AAK1: variants seen among roughly 807,000 people sequenced by gnomAD.
The protein encoded by AAK1 is AP2 associated kinase 1.
AAK1 carries 37 observed loss-of-function variants against 116.0 expected under a neutral mutation model. The observed-to-expected ratio is 0.32, with a 90% confidence interval of 0.25 to 0.42. The LOEUF (loss-of-function observed/expected upper bound fraction) is 0.42. AAK1 is among the 10% of genes least tolerant of loss of function. The probability of loss-of-function intolerance (pLI) is 1.00; values close to 1 mark genes in which losing one functional copy is unlikely to be tolerated. For synonymous variants in AAK1, 458 were observed against 439.9 expected, an observed-to-expected ratio of 1.04 and a Z score of -0.51; for missense variants, 919 against 1,170.6, an observed-to-expected ratio of 0.79 and a Z score of 3.14.
chr2:69,640,047 ACACACACTCTCT>A (rs1426702029), intron 2 of AAK1, among the ~76,000 whole-genome samples: 46 of 135,516 alleles, frequency 3.4e-4, no homozygotes, highest in African/African-American at 1.2e-3. Context: ...ACACACACAC[ACACACACTCTCT>A]CTCTCTCTCT....
chr2:69,531,631 A>G (rs1214739116), intron 6 of AAK1: 2 of 991,224 alleles, frequency 2.0e-6, no homozygotes, highest in Non-Finnish European at 2.4e-6. Flanking sequence ...CCTTATGAGC[A>G]GGAAGAAAGG....
intron 17 of AAK1, among the ~76,000 whole-genome samples, chr2:69,492,288 A>T (rs1675552934): frequency 1.3e-5 from 2 of 151,542 alleles, no homozygotes; most frequent in African/African-American, 4.9e-5. Context: ...ATCTCAGCTC[A>T]CTGCAATCTC....
intron 4 of AAK1, 137 bp downstream of exon 4, chr2:69,544,299 G>T: frequency 1.6e-6 from 1 of 639,522 alleles, no homozygotes; most frequent in South Asian, 2.0e-5. Flanking sequence ...ACAGCAGACT[G>T]TATCTTTTAG....
intron 17 of AAK1, among the ~76,000 whole-genome samples, chr2:69,486,109 C>T (rs897619631): frequency 1.3e-5 from 2 of 152,060 alleles, no homozygotes; most frequent in Admixed American, 6.5e-5. Context: ...CATGTACCAC[C>T]ATGCTCGGCT....
rs986964275 is a variant in AAK1, at chr2:69,471,989, T to C, written c.*3880A>G. 3 of 985,316 alleles carry C rather than the reference T, an allele frequency of 3.0e-6. No homozygotes were observed. The highest frequency in any genetic ancestry group is 6.1e-5 in the Admixed American group (1 of 16,272). The allele number at this position is 985,316 out of a possible 1,614,324, so 61.0% of individuals were successfully genotyped here. On this transcript the variant is annotated 3_prime_UTR_variant, in exon 22 of 22. Transcript: ENST00000409085. ...ATTAGCAATCCAAGTTGTGTAATTC[T>C]AATTCAGGAAGAGCGAAGTCCAATA... is the stretch of plus-strand genomic sequence containing the variant.
rs544953028 is a variant in AAK1, at chr2:69,550,501, C to T, written c.283-5957G>A. The stretch of plus-strand genomic sequence containing the variant: ...TGTATTTTTAGTAGAGATGGGGTTT[C>T]ACCATGTTGGCCAGGATGGTCTCAT... On this transcript the variant is annotated intron_variant, in intron 3 of 21. Transcript: ENST00000409085. Among the ~76,000 whole-genome samples the T allele has an allele frequency of 1.3e-4, 20 of 151,670 alleles. No individual in the cohort carries two copies. The Middle Eastern group carries it at 0.02, about 155-fold the overall frequency.
At chr2:69,482,658 G>T in intron 18 of AAK1, 53 bp downstream of exon 18, 1 of 1,444,698 alleles carries the variant, frequency 6.9e-7, no homozygotes, top group Non-Finnish European at 9.7e-7. Context: ...TGTCATTCTT[G>T]AAACAGGCAC....
intron 5 of AAK1, 103 bp from the exon 6 acceptor site, chr2:69,532,265 C>T: frequency 7.1e-7 from 1 of 1,398,714 alleles, no homozygotes; most frequent in Admixed American, 2.0e-5. Flanking sequence ...TTCTGGCAGT[C>T]TCATTAATGT....
At chr2:69,551,619 G>A (rs2105073089) in intron 3 of AAK1, among the ~76,000 whole-genome samples, 1 of 152,320 alleles carries the variant, frequency 6.6e-6, no homozygotes, top group South Asian at 2.1e-4. Flanking sequence ...TGGGCCAGGG[G>A]ATGTGAACAC....
chr2:69,593,569 G>A (rs1290956628), intron 2 of AAK1, among the ~76,000 whole-genome samples: 2 of 151,888 alleles, frequency 1.3e-5, no homozygotes, highest in Non-Finnish European at 2.9e-5. Context: ...GGGCTGAAGA[G>A]CTAAATACCA....
intron 20 of AAK1, among the ~76,000 whole-genome samples, chr2:69,477,572 T>C (rs145818001): frequency 1.1e-4 from 16 of 151,290 alleles, no homozygotes; most frequent in African/African-American, 3.9e-4. Context: ...AGTAGAAGTT[T>C]GTTAGAATAG....
At chr2:69,608,050 G>A (rs1317098044) in intron 2 of AAK1, among the ~76,000 whole-genome samples, 1 of 152,220 alleles carries the variant, frequency 6.6e-6, no homozygotes, top group Non-Finnish European at 1.5e-5. Context: ...GAACTTTGAG[G>A]AATATCTGCT....
In AAK1 at chr2:69,576,464, T is replaced by C. The variant is rs181553606; in HGVS notation, c.164-19486A>G. On this transcript the variant is annotated intron_variant, in intron 2 of 21. Transcript: ENST00000409085. ...CCCAGGTATTAAGCCCAGTACCCAA[T>C]AGTTATCTTTTCTGCTCCTCTCCCT... is the stretch of plus-strand genomic sequence containing the variant. Among the ~76,000 whole-genome samples, 5 of 152,160 alleles carry C rather than the reference T, an allele frequency of 3.3e-5. No individual in the cohort carries two copies. In the East Asian group the frequency reaches 7.7e-4, roughly 24 times the overall value.
At chr2:69,586,749 A>G (rs1672784770) in intron 2 of AAK1, among the ~76,000 whole-genome samples, 1 of 152,164 alleles carries the variant, frequency 6.6e-6, no homozygotes, top group African/African-American at 2.4e-5. Context: ...TGTTCTTTAG[A>G]CACAGAAAAG....
chr2:69,470,481 T>C lies in AAK1; in HGVS notation c.*5388A>G. 2.0e-6 allele frequency: 2 copies of C among 985,440 alleles called. No individual in the cohort carries two copies. The highest frequency in any genetic ancestry group is 2.4e-6 in the Non-Finnish European group (2 of 829,926). The allele number at this position is 985,440 out of a possible 1,614,324, so 61.0% of individuals were successfully genotyped here. A position where few individuals can be genotyped will look rare whatever the true frequency, so the allele number is the denominator to read the frequency against. ...TGCATTAAAACCCACGACTGGGAAA[T>C]GAGGGACCTCATGGAAGCCAAAAAT... On this transcript the variant is annotated 3_prime_UTR_variant, in exon 22 of 22. Coordinates refer to ENST00000409085, the MANE Select transcript of AAK1 (RefSeq NM_014911.5).
At chr2:69,583,618 G>A (rs1302066930) in intron 2 of AAK1, among the ~76,000 whole-genome samples, 1 of 152,148 alleles carries the variant, frequency 6.6e-6, no homozygotes, top group East Asian at 1.9e-4. Flanking sequence ...TCGGCTTCAT[G>A]GCTGAAAGTC....
intron 16 of AAK1, among the ~76,000 whole-genome samples, chr2:69,504,527 G>A (rs1390827073): frequency 1.3e-5 from 2 of 151,974 alleles, no homozygotes; most frequent in Non-Finnish European, 1.5e-5. Flanking sequence ...CAGCACTTTT[G>A]GAGGCCAAGG....
chr2:69,553,191 T>C (rs1313663797), intron 3 of AAK1, among the ~76,000 whole-genome samples: 1 of 152,136 alleles, frequency 6.6e-6, no homozygotes, highest in Non-Finnish European at 1.5e-5. Context: ...CACAAAGGCA[T>C]ATCATGAAAT....
At chr2:69,604,955 A>G (rs1673735452) in intron 2 of AAK1, among the ~76,000 whole-genome samples, 1 of 152,180 alleles carries the variant, frequency 6.6e-6, no homozygotes, top group Admixed American at 6.5e-5. Flanking sequence ...CTGTCTCAAC[A>G]CACAGTACTT....
Sources: gnomAD v4.1 joint callset for allele counts (sites outside exome capture counted in the v4.1 genomes callset) on GRCh38, gnomAD v4.1.1 for gene constraint, MANE v1.5 for transcripts, NCBI Gene and HGNC (gene_info 2026-07-23, HGNC 2026-07-21) for gene names.